The following IRF2 variants were observed in gnomAD, a reference collection of about 807,000 sequenced individuals.
IRF2 encodes the protein interferon regulatory factor 2.
A neutral mutation model predicts 40.6 loss-of-function variants in IRF2; 15 were observed. That is an observed-to-expected ratio of 0.37 (90% confidence interval 0.25 to 0.57). The LOEUF (loss-of-function observed/expected upper bound fraction) is 0.57, where lower values mean the gene tolerates loss of function less well. Among genes scored for constraint, IRF2 ranks in the 20% least tolerant of loss-of-function variants. The probability of loss-of-function intolerance (pLI) is 0.77; values close to 1 mark genes in which losing one functional copy is unlikely to be tolerated. For synonymous variants in IRF2, 151 were observed against 165.5 expected (o/e 0.91, Z 0.67); for missense variants, 317 against 455.7 (o/e 0.70, Z 2.77).
rs141757669 is a variant in IRF2, at chr4:184,398,997, C to T, written c.612G>A (p.Glu204=). The change falls in exon 7 of 9, where the codon GAG becomes GAA. Residue 204 remains glutamate, a synonymous_variant. Transcript: ENST00000393593. ...GCTGCTCGTCGCTCTCAGTGGTCACCTCTACAACTTGGCAAATGTCTGGCG... is the reference window on the plus strand; with the variant it reads ...GCTGCTCGTCGCTCTCAGTGGTCACTTCTACAACTTGGCAAATGTCTGGCG... ...TNPPDICQVV[E]VTTESDEQPV... The T allele has an allele frequency of 5.0e-5, 81 of 1,613,646 alleles. No homozygotes were observed. Among genetic ancestry groups the T allele is most frequent in the East Asian group, 3.3e-4 (15 of 44,850 alleles).
chr4:184,445,322 C>A (rs1283216558), intron 1 of IRF2, among the ~76,000 whole-genome samples: 1 of 152,120 alleles, frequency 6.6e-6, no homozygotes, highest in Non-Finnish European at 1.5e-5. Context: ...CCAAGACTGT[C>A]CTGATGTCAG....
chr4:184,398,110 T>C (rs954570798), intron 7 of IRF2, among the ~76,000 whole-genome samples: 2 of 152,202 alleles, frequency 1.3e-5, no homozygotes, highest in Admixed American at 6.5e-5. Flanking sequence ...GGAATGGATC[T>C]AGCAATGAGC....
chr4:184,430,885 G>A lies in IRF2; in HGVS notation c.-6-1815C>T, dbSNP rs539128942. Among the ~76,000 whole-genome samples, 3 of 152,122 alleles carry A rather than the reference G, an allele frequency of 2.0e-5. No individual in the cohort carries two copies. In the South Asian group the frequency reaches 6.2e-4, roughly 32 times the overall value. ...ATTTTTTTTTATTTTTTGTAGAGCT[G>A]GGGTCTCCCTATGCTACCCAGGCTG... On this transcript the variant is annotated intron_variant, in intron 1 of 8. Transcript: ENST00000393593.
At chr4:184,442,536 G>A (rs1738349745) in intron 1 of IRF2, among the ~76,000 whole-genome samples, 1 of 152,134 alleles carries the variant, frequency 6.6e-6, no homozygotes, top group African/African-American at 2.4e-5. Context: ...TATTTCAGAA[G>A]CACAAGTAAG....
intron 5 of IRF2, among the ~76,000 whole-genome samples, chr4:184,414,514 T>C (rs1737191780): frequency 6.6e-6 from 1 of 152,196 alleles, no homozygotes; most frequent in Non-Finnish European, 1.5e-5. Context: ...CTGTTTTTCT[T>C]GTTCTTATTT....
At chr4:184,429,413 G>A (rs1737791812) in intron 1 of IRF2, among the ~76,000 whole-genome samples, 1 of 152,168 alleles carries the variant, frequency 6.6e-6, no homozygotes, top group Non-Finnish European at 1.5e-5. Context: ...CCGTTGCTCA[G>A]AGGCCCCAAC....
chr4:184,424,117 C>T lies in IRF2; in HGVS notation c.88-4549G>A, dbSNP rs1737583497. ...GGCAAAATATTCATACATCTAGATA[C>T]AGGCATATGAAAATTTGCTATCCTA... On this transcript the variant is annotated intron_variant, in intron 2 of 8. Transcript: ENST00000393593. Among the ~76,000 whole-genome samples the T allele has an allele frequency of 2.0e-5, 3 of 152,252 alleles. No individual in the cohort carries two copies. The South Asian group carries it at 6.2e-4, about 32-fold the overall frequency.
At chr4:184,399,471 T>A (rs1488084820) in intron 6 of IRF2, among the ~76,000 whole-genome samples, 1 of 152,210 alleles carries the variant, frequency 6.6e-6, no homozygotes, top group Non-Finnish European at 1.5e-5. Context: ...CTGCTCTTGC[T>A]CCAAAAGAAG....
At chr4:184,415,825 T>C (rs73874639) in intron 5 of IRF2, among the ~76,000 whole-genome samples, 4,820 of 152,312 alleles carry the variant, frequency 0.032, 263 homozygotes, top group African/African-American at 0.11. Flanking sequence ...TACATCTATT[T>C]AGTCAACAAA....
intron 1 of IRF2, chr4:184,472,396 C>T (rs544657431): frequency 1.3e-5 from 2 of 152,268 alleles, no homozygotes; most frequent in South Asian, 4.1e-4. Context: ...CCCTTAAGCA[C>T]CAAAAACTGA....
chr4:184,429,157 TC>T lies in IRF2; in HGVS notation c.-6-88del, dbSNP rs1737780171. 7.5e-5 allele frequency: 60 copies of T among 799,200 alleles called. 2 individuals are homozygous for T. The South Asian group carries it at 8.2e-4, about 11-fold the overall frequency. 49.5% of individuals were successfully genotyped at this position (799,200 alleles called of 1,614,324 possible). On this transcript the variant is annotated intron_variant, in intron 1 of 8. Transcript: ENST00000393593. ...GAGTTCTACACCCCGCCTGACTCTT[TC>T]CTTCTCTCCTTTCCTGGGGCTGGGG...
At chr4:184,443,999 G>A (rs1426304637) in intron 1 of IRF2, among the ~76,000 whole-genome samples, 2 of 152,108 alleles carry the variant, frequency 1.3e-5, no homozygotes, top group African/African-American at 2.4e-5. Context: ...ATTCATCATG[G>A]AGTAGGATGG....
chr4:184,428,694 G>A (rs1351400844), intron 2 of IRF2: 2 of 498,692 alleles, frequency 4.0e-6, no homozygotes, highest in South Asian at 3.1e-5. Context: ...AGCTACTCTG[G>A]AGGCTGAGGT....
intron 1 of IRF2, among the ~76,000 whole-genome samples, chr4:184,451,052 C>T (rs551892395): frequency 3.9e-5 from 6 of 152,154 alleles, no homozygotes; most frequent in South Asian, 4.1e-4. Flanking sequence ...TCTTTTATCA[C>T]GTAATTTTGA....
intron 1 of IRF2, among the ~76,000 whole-genome samples, chr4:184,456,459 C>G (rs1367522325): frequency 2.6e-5 from 4 of 152,216 alleles, no homozygotes; most frequent in African/African-American, 9.6e-5. Flanking sequence ...AGCTGCGCCA[C>G]GGGGAACGTG....
intron 6 of IRF2, among the ~76,000 whole-genome samples, chr4:184,403,456 T>A (rs809909): frequency 0.6 from 91,843 of 151,960 alleles, 28,493 homozygotes; most frequent in South Asian, 0.72. Flanking sequence ...ACAAAACCTG[T>A]CTTTCTGAGC....
In IRF2 at chr4:184,429,073, T is replaced by C. The variant is rs73007050; in HGVS notation, c.-6-3A>G. The C allele has an allele frequency of 1.7e-3, 2,676 of 1,613,078 alleles. 36 individuals carry two copies. The African/African-American group carries it at 0.032, about 19-fold the overall frequency. On this transcript the variant is annotated splice_region_variant and splice_polypyrimidine_tract_variant and intron_variant, in intron 1 of 8. Coordinates refer to ENST00000393593, the MANE Select transcript of IRF2 (RefSeq NM_002199.4). ...ATCCTTTCCACCGGCATGGTGCCCT[T>C]GAGGGAGAGAAACACAGCGTCAGGC... is the stretch of plus-strand genomic sequence containing the variant.
intron 1 of IRF2, among the ~76,000 whole-genome samples, chr4:184,461,587 A>G (rs1162003458): frequency 2.0e-5 from 3 of 152,144 alleles, no homozygotes; most frequent in Admixed American, 2.0e-4. Context: ...CTCCCTCTAC[A>G]TATCGTTAGC....
intron 1 of IRF2, among the ~76,000 whole-genome samples, chr4:184,460,424 A>G (rs1176645952): frequency 1.3e-5 from 2 of 152,210 alleles, no homozygotes; most frequent in Non-Finnish European, 2.9e-5. Flanking sequence ...TGTGAATGTA[A>G]TTAACGTCAC....
Sources: allele counts gnomAD v4.1 joint callset (sites outside exome capture counted in the v4.1 genomes callset), GRCh38; gene constraint gnomAD v4.1.1; transcripts MANE v1.5; gene names NCBI Gene and HGNC (gene_info 2026-07-23, HGNC 2026-07-21).